Variants in ZRANB1 observed in about 807,000 individuals in gnomAD.
The protein encoded by ZRANB1 is ubiquitin thioesterase ZRANB1.
ZRANB1 carries 16 observed loss-of-function variants against 80.5 expected under a neutral mutation model. The observed-to-expected ratio is 0.20, with a 90% confidence interval of 0.13 to 0.30. The LOEUF (loss-of-function observed/expected upper bound fraction) is 0.30. Among genes scored for constraint, ZRANB1 ranks in the 10% least tolerant of loss-of-function variants. The probability of loss-of-function intolerance (pLI) is 1.00; values close to 1 mark genes in which losing one functional copy is unlikely to be tolerated. For missense variants in ZRANB1, 576 were observed against 862.6 expected, an observed-to-expected ratio of 0.67 and a Z score of 4.16; for synonymous variants, 291 against 293.1, an observed-to-expected ratio of 0.99 and a Z score of 0.07.
intron 1 of ZRANB1, among the ~76,000 whole-genome samples, chr10:124,947,555 CT>C (rs1951595347): frequency 6.6e-6 from 1 of 152,188 alleles, no homozygotes; most frequent in Non-Finnish European, 1.5e-5. Flanking sequence ...GAATCCTAGA[CT>C]CATATATCCA....
At chr10:124,940,478 G>T (rs905061794), upstream of ZRANB1, 4 of 1,286,948 alleles carry the variant, frequency 3.1e-6, no homozygotes, top group Admixed American at 6.9e-5. Flanking sequence ...TCTTTGATCT[G>T]ATTTGCAAAC....
At chr10:124,922,713 C>G in the ZRANB1 span, among the ~76,000 whole-genome samples, 2 of 151,148 alleles carry the variant, frequency 1.3e-5, no homozygotes, top group African/African-American at 2.4e-5. Context: ...CCCGGCTGGT[C>G]TCGAACTGAC....
At chr10:124,941,832 A>G (rs1047284619), upstream of ZRANB1, among the ~76,000 whole-genome samples, 4 of 152,282 alleles carry the variant, frequency 2.6e-5, no homozygotes, top group Non-Finnish European at 5.9e-5. Context: ...GAGGCTACAG[A>G]TTATCAAGGA....
chr10:124,934,371 TATTG>T, the ZRANB1 span, among the ~76,000 whole-genome samples: 1 of 152,348 alleles, frequency 6.6e-6, no homozygotes, highest in East Asian at 1.9e-4. Flanking sequence ...GAGATCTAAT[TATTG>T]ATTATTTACA....
chr10:124,939,038 A>G (rs1951512374), upstream of ZRANB1, among the ~76,000 whole-genome samples: 1 of 152,032 alleles, frequency 6.6e-6, no homozygotes. Context: ...TTGGCTGGGC[A>G]TGGTGGGATG....
At chr10:124,970,066 G>T (rs1166171878) in intron 2 of ZRANB1, among the ~76,000 whole-genome samples, 1 of 152,056 alleles carries the variant, frequency 6.6e-6, no homozygotes, top group Admixed American at 6.6e-5. Context: ...ATTTACTTTG[G>T]GGGAGCCATT....
Position 124,983,119 on chromosome 10 carries a change from A to C in ZRANB1, c.1549-56A>C, listed in dbSNP as rs939161308. On this transcript the variant is annotated intron_variant, in intron 6 of 8. Transcript: ENST00000359653. The surrounding 1 kb of genome is among the most constrained non-coding windows in gnomAD (Gnocchi z 6.2). ...GGGGAGGTAGTATTGTTTTTTACAC[A>C]TCAGTTTTCCAGGAGTGGTAATAAA... The C allele has an allele frequency of 1.2e-5, 19 of 1,559,358 alleles. No individual in the cohort carries two copies. The African/African-American group carries it at 2.1e-4, about 17-fold the overall frequency.
intron 1 of ZRANB1, among the ~76,000 whole-genome samples, chr10:124,956,313 A>T (rs1589845379): frequency 6.6e-6 from 1 of 152,200 alleles, no homozygotes; most frequent in East Asian, 1.9e-4. Context: ...ACTAACTTTA[A>T]AAAGTTGCGT....
intron 2 of ZRANB1, 126 bp from the exon 3 acceptor site, chr10:124,971,839 G>T: frequency 1.2e-6 from 1 of 809,654 alleles, no homozygotes; most frequent in Non-Finnish European, 1.8e-6. Context: ...AATAATACCA[G>T]TGTATTTTAA....
At chr10:124,957,982 G>A (rs1371658002) in intron 1 of ZRANB1, among the ~76,000 whole-genome samples, 1 of 151,968 alleles carries the variant, frequency 6.6e-6, no homozygotes, top group Non-Finnish European at 1.5e-5. Context: ...CACCTGCCTC[G>A]GCCTCCCAAA....
intron 1 of ZRANB1, among the ~76,000 whole-genome samples, chr10:124,951,280 G>T (rs952513465): frequency 6.6e-6 from 1 of 151,936 alleles, no homozygotes; most frequent in Non-Finnish European, 1.5e-5. Context: ...ATATGTGCCT[G>T]GTGTAATGAA....
At chr10:124,923,115 C>T in the ZRANB1 span, among the ~76,000 whole-genome samples, 8 of 151,708 alleles carry the variant, frequency 5.3e-5, no homozygotes, top group African/African-American at 1.2e-4. Context: ...GGTGAAACCT[C>T]GTCTCTACTA....
the ZRANB1 span, among the ~76,000 whole-genome samples, chr10:124,928,310 A>T: frequency 6.6e-6 from 1 of 151,926 alleles, no homozygotes; most frequent in East Asian, 1.9e-4. Context: ...TTGGAAAGGC[A>T]CTCTTAGCAC....
chr10:124,974,321 A>G lies in ZRANB1; in HGVS notation c.1350A>G (p.Gln450=), dbSNP rs1951855213. The G allele has an allele frequency of 6.2e-7, 1 of 1,614,260 alleles. No individual in the cohort carries two copies. The highest frequency in any genetic ancestry group is 8.5e-7 in the Non-Finnish European group (1 of 1,180,042). ...ACTGCCTACTTGATTCAGTTCTACA[A>G]GCTACCTGGGGCATCTATGACAAGG... ...AGDCLLDSVL[Q]ATWGIYDKDS... The change falls in exon 5 of 9, where the codon CAA becomes CAG. Residue 450 remains glutamine (Q), a synonymous_variant. Coordinates refer to ENST00000359653, the MANE Select transcript of ZRANB1 (RefSeq NM_017580.3).
intron 1 of ZRANB1, 111 bp from the exon 2 acceptor site, chr10:124,966,483 G>A: frequency 9.5e-7 from 1 of 1,048,480 alleles, no homozygotes; most frequent in Non-Finnish European, 1.4e-6. Context: ...GATGCATCAG[G>A]ATCCAGGAAG....
chr10:124,984,029 G>C (rs546451252), intron 8 of ZRANB1, among the ~76,000 whole-genome samples: 1 of 152,244 alleles, frequency 6.6e-6, no homozygotes, highest in South Asian at 2.1e-4. Flanking sequence ...GGAAGCAACA[G>C]GGAAAGAGAG....
In ZRANB1 at chr10:124,967,545, G is replaced by C. The variant is rs977746075; in HGVS notation, c.1002+764G>C. Among the ~76,000 whole-genome samples, 3 of 152,174 alleles carry C rather than the reference G, an allele frequency of 2.0e-5. No individual in the cohort carries two copies. The South Asian group carries it at 6.2e-4, about 32-fold the overall frequency. ...GCACTGGATGGTGTTAGGTATGGGC[G>C]CAGGGGAGTGAGCAGAGCAGATTGT... On this transcript the variant is annotated intron_variant, in intron 2 of 8. Transcript: ENST00000359653.
At chr10:124,927,294 G>A in the ZRANB1 span, among the ~76,000 whole-genome samples, 3 of 152,196 alleles carry the variant, frequency 2.0e-5, no homozygotes, top group African/African-American at 7.2e-5. Flanking sequence ...TGCAAGGCAG[G>A]ATTCCCTGGA....
the ZRANB1 span, among the ~76,000 whole-genome samples, chr10:124,919,629 T>A: frequency 6.7e-6 from 1 of 149,890 alleles, no homozygotes; most frequent in African/African-American, 2.5e-5. Context: ...TTTTTTTTTT[T>A]GAGATGTAGT....
Sources: gnomAD v4.1 joint callset for allele counts (sites outside exome capture counted in the v4.1 genomes callset) on GRCh38, gnomAD v4.1.1 for gene constraint, Gnocchi (gnomAD v3.1) non-coding constraint, MANE v1.5 for transcripts, NCBI Gene and HGNC (gene_info 2026-07-23, HGNC 2026-07-21) for gene names.